GLRA2: variants seen among roughly 807,000 people sequenced by gnomAD.
GLRA2 encodes glycine receptor alpha 2.
A neutral mutation model predicts 31.6 loss-of-function variants in GLRA2; 11 were observed. The ratio of observed to expected loss-of-function variants is 0.35; its 90% CI spans 0.22 to 0.58. The LOEUF (loss-of-function observed/expected upper bound fraction) is 0.58. Among genes scored for constraint, GLRA2 ranks in the 20% least tolerant of loss-of-function variants. The pLI, the probability that GLRA2 is intolerant of heterozygous loss-of-function variation, is 0.84. For synonymous variants in GLRA2, 132 were observed against 134.0 expected (o/e 0.99, Z 0.10); for missense variants, 212 against 351.8 (o/e 0.60, Z 3.18).
intron 8 of GLRA2, among the ~76,000 whole-genome samples, chrX:14,692,662 T>C (rs760399817): frequency 1.8e-5 from 2 of 111,767 alleles, no homozygotes; most frequent in South Asian, 7.5e-4. Flanking sequence ...TCTAGGTGAT[T>C]ATTATGATGA....
chrX:14,716,090 G>A, intron 8 of GLRA2, among the ~76,000 whole-genome samples: 1 of 111,105 alleles, frequency 9.0e-6, no homozygotes, highest in Non-Finnish European at 1.9e-5. Flanking sequence ...CTGTCAGAAG[G>A]TCTCAGGGCC....
the GLRA2 span, among the ~76,000 whole-genome samples, chrX:14,504,406 G>GTTTTTTTTTGTT: frequency 9.1e-6 from 1 of 109,725 alleles, no homozygotes; most frequent in Non-Finnish European, 1.9e-5. Context: ...AGCCAAACAG[G>GTTTTTTTTTGTT]TTTTTTTTTG....
the GLRA2 span, among the ~76,000 whole-genome samples, chrX:14,466,066 A>G: frequency 8.9e-6 from 1 of 111,810 alleles, no homozygotes; most frequent in Non-Finnish European, 1.9e-5. Context: ...TCTATGCTAG[A>G]CAACCTACAC....
At chrX:14,480,014 C>G in the GLRA2 span, among the ~76,000 whole-genome samples, 1 of 111,927 alleles carries the variant, frequency 8.9e-6, no homozygotes, top group Non-Finnish European at 1.9e-5. Flanking sequence ...TCCCTTTTCT[C>G]TGTACCCTCA....
intron 7 of GLRA2, among the ~76,000 whole-genome samples, chrX:14,615,238 C>A (rs1294431978): frequency 8.9e-6 from 1 of 111,977 alleles, no homozygotes; most frequent in Non-Finnish European, 1.9e-5. Flanking sequence ...AAGAGTAAAT[C>A]AGTGAATAAA....
chrX:14,714,729 G>A (rs1304195930), intron 8 of GLRA2, among the ~76,000 whole-genome samples: 1 of 112,549 alleles, frequency 8.9e-6, no homozygotes, highest in Non-Finnish European at 1.9e-5. Flanking sequence ...CAATGAAGGT[G>A]ATGTTGTATA....
chrX:14,574,709 TAA>T (rs765961836), intron 3 of GLRA2: 7 of 467,230 alleles, frequency 1.5e-5, no homozygotes, highest in Middle Eastern at 4.4e-4. Context: ...CTTTATTTTG[TAA>T]AGTCATTTGT....
chrX:14,706,846 G>A (rs1317160791), intron 8 of GLRA2, among the ~76,000 whole-genome samples: 1 of 111,924 alleles, frequency 8.9e-6, no homozygotes, highest in Non-Finnish European at 1.9e-5. Flanking sequence ...CTTCATTCTG[G>A]AAAGCACAAA....
chrX:14,670,982 G>C (rs1410179730), intron 7 of GLRA2, among the ~76,000 whole-genome samples: 5 of 111,710 alleles, frequency 4.5e-5, no homozygotes, highest in Non-Finnish European at 9.4e-5. Context: ...CACAGTATTA[G>C]ACAGGAAATA....
chrX:14,534,435 A>T (rs762804902), intron 2 of GLRA2, among the ~76,000 whole-genome samples: 1 of 110,396 alleles, frequency 9.1e-6, no homozygotes, highest in East Asian at 2.8e-4. Context: ...CAATTATCTG[A>T]CATCTCCCAA....
At chrX:14,646,279 G>A (rs932174882) in intron 7 of GLRA2, among the ~76,000 whole-genome samples, 1 of 112,097 alleles carries the variant, frequency 8.9e-6, no homozygotes, top group Non-Finnish European at 1.9e-5. Flanking sequence ...CTGAAGCCAT[G>A]TGCATTATGG....
chrX:14,629,960 C>T (rs1237585854), intron 7 of GLRA2, among the ~76,000 whole-genome samples: 1 of 111,643 alleles, frequency 9.0e-6, no homozygotes, highest in African/African-American at 3.2e-5. Flanking sequence ...TTTGTCTAAA[C>T]AGCCAATTAT....
chrX:14,730,633 G>A lies in GLRA2; in HGVS notation c.*148G>A. The A allele has an allele frequency of 4.5e-6, 2 of 443,587 alleles. No individual in the cohort carries two copies. Among genetic ancestry groups the A allele is most frequent in the Non-Finnish European group, 7.8e-6 (2 of 255,709 alleles). 36.6% of individuals were successfully genotyped at this position (443,587 alleles called of 1,213,427 possible). A position where few individuals can be genotyped will look rare whatever the true frequency, so the allele number is the denominator to read the frequency against. On this transcript the variant is annotated 3_prime_UTR_variant, in exon 9 of 9. Coordinates refer to ENST00000218075, the MANE Select transcript of GLRA2 (RefSeq NM_002063.4). ...GGGGTGGGTTTCCTGGCACCTACATGAAAAAAAAGACAAGTTATATGGGTG... is the reference window on the plus strand; with the variant it reads ...GGGGTGGGTTTCCTGGCACCTACATAAAAAAAAAGACAAGTTATATGGGTG...
At position 14,582,971 on chromosome X, in the gene GLRA2, T is replaced by C. The variant is rs144831553; in HGVS notation, c.494+1565T>C. On this transcript the variant is annotated intron_variant, in intron 4 of 8. Coordinates refer to ENST00000218075, the MANE Select transcript of GLRA2 (RefSeq NM_002063.4). ...GTTTGCCAACCCTTGATATAAGATA[T>C]ATTAAAAATACTTGCTGCAGTGCCT... Among the ~76,000 whole-genome samples, 178 of 112,274 alleles carry C rather than the reference T, an allele frequency of 1.6e-3. 1 individual carries two copies. The highest frequency in any genetic ancestry group is 5.2e-3 in the African/African-American group (161 of 30,903).
intron 5 of GLRA2, 138 bp downstream of exon 5, chrX:14,604,535 C>T (rs2090312266): frequency 3.3e-6 from 1 of 306,659 alleles, no homozygotes; most frequent in Non-Finnish European, 5.8e-6. Context: ...AATGGAAAGA[C>T]AAACCAAAGT....
chrX:14,546,457 T>C (rs1011177537), intron 2 of GLRA2, among the ~76,000 whole-genome samples: 3 of 111,497 alleles, frequency 2.7e-5, no homozygotes, highest in African/African-American at 9.8e-5. Context: ...GCAGAGTGTA[T>C]GAATTTGTGA....
intron 7 of GLRA2, among the ~76,000 whole-genome samples, chrX:14,674,583 G>C (rs1274629166): frequency 1.8e-5 from 2 of 111,653 alleles, no homozygotes; most frequent in Non-Finnish European, 3.8e-5. Context: ...CCCCTACTTT[G>C]ATATGAAGAA....
intron 7 of GLRA2, among the ~76,000 whole-genome samples, chrX:14,655,696 TATTCTC>T (rs1433986980): frequency 1.8e-5 from 2 of 111,450 alleles, no homozygotes. Flanking sequence ...GCTTGGTACT[TATTCTC>T]AGCTCTTAGA....
chrX:14,720,373 T>G (rs918571573), intron 8 of GLRA2, among the ~76,000 whole-genome samples: 1 of 112,105 alleles, frequency 8.9e-6, no homozygotes, highest in African/African-American at 3.2e-5. Flanking sequence ...GATCTCATCA[T>G]GTAAGTCAAA....
Sources: gnomAD v4.1 joint callset for allele counts (sites outside exome capture counted in the v4.1 genomes callset) on GRCh38, gnomAD v4.1.1 for gene constraint, MANE v1.5 for transcripts, NCBI Gene and HGNC (gene_info 2026-07-23, HGNC 2026-07-21) for gene names.